The following CSMD3 variants were observed in gnomAD, a reference collection of about 807,000 sequenced individuals.
CSMD3 encodes the protein CUB and Sushi multiple domains 3, also known as CUB and sushi domain-containing protein 3.
Under a neutral mutation model 435.2 loss-of-function variants are expected in CSMD3, and 177 were observed. The observed-to-expected ratio is 0.41, with a 90% CI of 0.36 to 0.46. The LOEUF is 0.46. Ranked by LOEUF, CSMD3 falls within the 20% of genes least tolerant of loss-of-function variation. The probability of loss-of-function intolerance (pLI) is 0.34; values close to 1 mark genes in which losing one functional copy is unlikely to be tolerated. For synonymous variants in CSMD3, 1,656 were observed against 1,520.5 expected, an observed-to-expected ratio of 1.09 and a Z score of -2.07; for missense variants, 4,265 against 4,504.6, an observed-to-expected ratio of 0.95 and a Z score of 1.52.
intron 35 of CSMD3, among the ~76,000 whole-genome samples, chr8:112,404,269 C>T (rs909115791): frequency 6.6e-6 from 1 of 152,046 alleles, no homozygotes; most frequent in Admixed American, 6.6e-5. Flanking sequence ...GTGGCTCGCA[C>T]CTATAATCCC....
At chr8:112,651,697 C>T (rs969359427) in intron 18 of CSMD3, among the ~76,000 whole-genome samples, 21 of 152,012 alleles carry the variant, frequency 1.4e-4, no homozygotes, top group Non-Finnish European at 2.9e-4. Context: ...GCCACCATTC[C>T]CGGCTAATTT....
intron 9 of CSMD3, among the ~76,000 whole-genome samples, chr8:112,937,687 C>T (rs75052714): frequency 2.0e-5 from 3 of 151,940 alleles, no homozygotes; most frequent in Admixed American, 2.0e-4. Context: ...CCAAAGAGGC[C>T]AGAAACACCT....
At chr8:112,850,324 G>C (rs1480768853) in intron 11 of CSMD3, among the ~76,000 whole-genome samples, 2 of 152,050 alleles carry the variant, frequency 1.3e-5, no homozygotes, top group East Asian at 3.9e-4. Flanking sequence ...CTTATATAAA[G>C]GATGTGTAAC....
At chr8:112,262,359 A>G (rs926898809) in intron 61 of CSMD3, among the ~76,000 whole-genome samples, 1 of 152,180 alleles carries the variant, frequency 6.6e-6, no homozygotes. Flanking sequence ...ATAGCAATAT[A>G]GTTTTTATAT....
intron 49 of CSMD3, among the ~76,000 whole-genome samples, chr8:112,312,578 G>T (rs1213694474): frequency 1.3e-5 from 2 of 152,014 alleles, no homozygotes; most frequent in Admixed American, 1.3e-4. Context: ...TTTAAAACAC[G>T]TCTACTTTGA....
intron 5 of CSMD3, among the ~76,000 whole-genome samples, chr8:113,083,414 C>A (rs906907090): frequency 6.6e-6 from 1 of 151,798 alleles, no homozygotes; most frequent in Non-Finnish European, 1.5e-5. Context: ...AGTTCTTAAG[C>A]TATGCTTAAG....
At chr8:112,798,083 G>A (rs181613960) in intron 13 of CSMD3, among the ~76,000 whole-genome samples, 140 of 151,886 alleles carry the variant, frequency 9.2e-4, no homozygotes, top group Non-Finnish European at 1.7e-3. Context: ...TAGAGGAAGT[G>A]GTCTTCTGTG....
At chr8:112,552,886 C>CA (rs1827812231) in intron 25 of CSMD3, among the ~76,000 whole-genome samples, 166 bp from the exon 26 acceptor site, 1 of 152,002 alleles carries the variant, frequency 6.6e-6, no homozygotes, top group Admixed American at 6.6e-5. Context: ...ATATATAATA[C>CA]AATCAAATAA....
chr8:112,753,401 T>C (rs926288396), intron 13 of CSMD3, among the ~76,000 whole-genome samples: 1 of 152,144 alleles, frequency 6.6e-6, no homozygotes, highest in Non-Finnish European at 1.5e-5. Context: ...AAATAATACA[T>C]TTTATAGGAG....
rs757416827 is a variant in CSMD3 at position 113,019,073 on chromosome 8, A to AG, written c.1023dup (p.Tyr342LeufsTer15). The AG allele has an allele frequency of 6.3e-7, 1 of 1,596,612 alleles. No homozygotes were observed. The highest frequency in any genetic ancestry group is 8.6e-7 in the Non-Finnish European group (1 of 1,164,022). The stretch of plus-strand genomic sequence containing the variant: ...AGGTATTCCATAAGTATACCTTGAT[A>AG]GGGAGCACTAAATCCACGGTATCGA... On this transcript the variant is annotated frameshift_variant, in exon 6 of 71. Transcript: ENST00000297405. LOFTEE classifies it high-confidence loss of function.
At chr8:112,912,352 G>A (rs941497928) in intron 10 of CSMD3, among the ~76,000 whole-genome samples, 4 of 150,802 alleles carry the variant, frequency 2.7e-5, no homozygotes, top group African/African-American at 9.7e-5. Flanking sequence ...TTTTCATAAT[G>A]GCTGTACTAA....
At chr8:112,710,671 G>T (rs1028467497) in intron 13 of CSMD3, among the ~76,000 whole-genome samples, 1 of 151,490 alleles carries the variant, frequency 6.6e-6, no homozygotes, top group African/African-American at 2.4e-5. Context: ...CAAGTGTGAA[G>T]GGAGGCAAAG....
intron 3 of CSMD3, among the ~76,000 whole-genome samples, chr8:113,174,393 G>A (rs1477450021): frequency 6.6e-6 from 1 of 152,076 alleles, no homozygotes; most frequent in Non-Finnish European, 1.5e-5. Flanking sequence ...CAGTGGAGTA[G>A]TAAATGGACA....
chr8:112,263,448 G>A (rs766933638), intron 61 of CSMD3, among the ~76,000 whole-genome samples, 191 bp downstream of exon 61: 14 of 152,062 alleles, frequency 9.2e-5, no homozygotes, highest in African/African-American at 2.4e-4. Context: ...AACTAAAACC[G>A]TTTAGTGTAA....
chr8:112,925,462 C>G (rs2082880361), intron 9 of CSMD3, among the ~76,000 whole-genome samples: 1 of 151,728 alleles, frequency 6.6e-6, no homozygotes, highest in Non-Finnish European at 1.5e-5. Flanking sequence ...ACTGGGGAGG[C>G]TGAGGCAGGA....
chr8:112,583,874 C>G (rs1280083779), intron 23 of CSMD3, among the ~76,000 whole-genome samples: 1 of 151,796 alleles, frequency 6.6e-6, no homozygotes, highest in Non-Finnish European at 1.5e-5. Context: ...TTCCTTTCCA[C>G]TTTAAGTAAG....
intron 13 of CSMD3, among the ~76,000 whole-genome samples, chr8:112,708,794 C>T (rs548260789): frequency 2.6e-5 from 4 of 151,656 alleles, no homozygotes; most frequent in East Asian, 2.0e-4. Flanking sequence ...CAAAAAAGGT[C>T]GGACTTGGTC....
intron 28 of CSMD3, among the ~76,000 whole-genome samples, chr8:112,514,740 C>A (rs1027665343): frequency 6.6e-6 from 1 of 151,956 alleles, no homozygotes; most frequent in Non-Finnish European, 1.5e-5. Flanking sequence ...TATATGCAAG[C>A]AAGCAAAACG....
chr8:112,560,518 G>A (rs543905144), intron 24 of CSMD3, among the ~76,000 whole-genome samples: 26 of 151,652 alleles, frequency 1.7e-4, no homozygotes, highest in Admixed American at 5.9e-4. Flanking sequence ...ATAAGAAACT[G>A]AAATTTGAGA....
Sources: gnomAD v4.1 joint callset for allele counts (sites outside exome capture counted in the v4.1 genomes callset) on GRCh38, gnomAD v4.1.1 for gene constraint, MANE v1.5 for transcripts, NCBI Gene and HGNC (gene_info 2026-07-23, HGNC 2026-07-21) for gene names.